RPTOR: variants seen among roughly 807,000 people sequenced by gnomAD.
The protein encoded by RPTOR is regulatory associated protein of MTOR complex 1.
A neutral mutation model predicts 169.9 loss-of-function variants in RPTOR; 21 were observed. The observed-to-expected ratio is 0.12, with a 90% CI of 0.09 to 0.18. The LOEUF (loss-of-function observed/expected upper bound fraction) is 0.18. RPTOR is among the 10% of genes least tolerant of loss of function. RPTOR has a pLI of 1.00. For synonymous variants in RPTOR, 732 were observed against 753.2 expected, an observed-to-expected ratio of 0.97 and a Z score of 0.46; for missense variants, 1,133 against 1,855.9, an observed-to-expected ratio of 0.61 and a Z score of 7.16.
At chr17:80,810,894 A>C (rs557109601) in intron 7 of RPTOR, among the ~76,000 whole-genome samples, 1 of 152,220 alleles carries the variant, frequency 6.6e-6, no homozygotes, top group Non-Finnish European at 1.5e-5. Context: ...AAGACAGCAT[A>C]TAGAAATGTA....
At position 80,708,313 on chromosome 17, in the gene RPTOR, A is replaced by T. The variant is rs1183535365; in HGVS notation, c.507+314A>T. Among the ~76,000 whole-genome samples, 3 of 152,180 alleles carry T rather than the reference A, an allele frequency of 2.0e-5. No homozygotes were observed. The highest frequency in any genetic ancestry group is 6.5e-5 in the Admixed American group (1 of 15,284). Reference sequence around the variant, plus strand: ...GAGTGTCTGCCTTCTAGTTTGAAAAAATTGCACAATTTCTCAATTTCGTTA... The same window carrying T: ...GAGTGTCTGCCTTCTAGTTTGAAAATATTGCACAATTTCTCAATTTCGTTA... On this transcript the variant is annotated intron_variant, in intron 4 of 33. Coordinates refer to ENST00000306801, the MANE Select transcript of RPTOR (RefSeq NM_020761.3). This position sits in a 1 kb window ranked among gnomAD's most constrained non-coding sequence, Gnocchi z 4.2.
At chr17:80,944,065 C>T (rs2069068207) in intron 25 of RPTOR, among the ~76,000 whole-genome samples, 1 of 152,238 alleles carries the variant, frequency 6.6e-6, no homozygotes. Flanking sequence ...CATCTTGCGC[C>T]CTCTGCATTT....
At chr17:80,882,875 C>T (rs560832393) in intron 14 of RPTOR, among the ~76,000 whole-genome samples, 6 of 152,274 alleles carry the variant, frequency 3.9e-5, no homozygotes, top group South Asian at 2.1e-4. Context: ...CTAGACCGCG[C>T]GACGTGTGTG....
At chr17:80,893,078 C>T (rs2068346531) in intron 19 of RPTOR, among the ~76,000 whole-genome samples, 2 of 152,232 alleles carry the variant, frequency 1.3e-5, no homozygotes, top group Non-Finnish European at 2.9e-5. Flanking sequence ...GCCAGCGGGC[C>T]CGTTACCAAT....
intron 2 of RPTOR, among the ~76,000 whole-genome samples, chr17:80,635,862 G>C (rs1452595345): frequency 6.6e-6 from 1 of 152,052 alleles, no homozygotes; most frequent in Non-Finnish European, 1.5e-5. Flanking sequence ...GGTGAGGAGT[G>C]GGGTACTAGT....
rs2144089380 is a variant in RPTOR, at chr17:80,957,696, G to A, written c.3443G>A (p.Arg1148Gln). 1 of 1,614,138 alleles carries A rather than the reference G, an allele frequency of 6.2e-7. No individual in the cohort carries two copies. Among genetic ancestry groups the A allele is most frequent in the Non-Finnish European group, 8.5e-7 (1 of 1,180,032 alleles). Residue 1148 changes from arginine to glutamine, a missense_variant, in exon 29 of 34, where the codon CGG becomes CAG. Arg to Gln is a conservative substitution (Grantham distance 43). This residue lies in a region of RPTOR where 410 missense variants were observed against 623.7 expected (regional missense o/e 0.66). Transcript: ENST00000306801. This position sits in a 1 kb window ranked among gnomAD's most constrained non-coding sequence, Gnocchi z 4.6. ...AGCTCAGGAGACGTGCGGATCGTCC[G>A]GATCTGGGACACAGACCGTGAGATG... The part of the protein sequence containing the change: ...LMSSGDVRIV[R>Q]IWDTDREMKV...
intron 5 of RPTOR, among the ~76,000 whole-genome samples, chr17:80,749,720 T>G (rs1022846404): frequency 2.6e-5 from 4 of 152,178 alleles, no homozygotes; most frequent in Non-Finnish European, 5.9e-5. Context: ...GGGGCTTTTT[T>G]TGTTTGTCTT....
At chr17:80,930,465 C>G in intron 24 of RPTOR, among the ~76,000 whole-genome samples, 1 of 151,112 alleles carries the variant, frequency 6.6e-6, no homozygotes, top group Non-Finnish European at 1.5e-5. Context: ...ATCCCCAGCT[C>G]ATCCCCAGCT....
intron 20 of RPTOR, among the ~76,000 whole-genome samples, chr17:80,908,509 G>C (rs904035529): frequency 2.6e-5 from 4 of 152,220 alleles, no homozygotes; most frequent in Non-Finnish European, 4.4e-5. Flanking sequence ...CTCCGGGAGT[G>C]TGGTCATGCC....
At chr17:80,582,240 A>G (rs986962262) in intron 1 of RPTOR, among the ~76,000 whole-genome samples, 2 of 152,230 alleles carry the variant, frequency 1.3e-5, no homozygotes, top group African/African-American at 4.8e-5. Flanking sequence ...AGCTCAGCTG[A>G]TTCCTGGCTT....
At chr17:80,569,771 C>T (rs1424859826) in intron 1 of RPTOR, among the ~76,000 whole-genome samples, 2 of 152,042 alleles carry the variant, frequency 1.3e-5, no homozygotes, top group Non-Finnish European at 2.9e-5. Context: ...ATTTGGTGAC[C>T]CCTAGTCTAG....
intron 17 of RPTOR, among the ~76,000 whole-genome samples, chr17:80,889,484 A>G (rs1334337829): frequency 6.6e-6 from 1 of 152,154 alleles, no homozygotes; most frequent in Non-Finnish European, 1.5e-5. Context: ...GCCCGTGGCC[A>G]CTAATGTGGC....
chr17:80,663,619 T>G (rs1195529664), intron 3 of RPTOR, among the ~76,000 whole-genome samples: 3 of 152,202 alleles, frequency 2.0e-5, no homozygotes, highest in Admixed American at 6.5e-5. Flanking sequence ...TTGTGCTTAT[T>G]ATGGAGTGTG....
chr17:80,804,059 A>G (rs1043336854), intron 7 of RPTOR, among the ~76,000 whole-genome samples: 3 of 152,250 alleles, frequency 2.0e-5, no homozygotes, highest in African/African-American at 7.2e-5. Flanking sequence ...TAATGGGTCT[A>G]CAGGGGCCTG....
At chr17:80,935,588 C>T (rs2068945539) in intron 24 of RPTOR, among the ~76,000 whole-genome samples, 1 of 152,064 alleles carries the variant, frequency 6.6e-6, no homozygotes, top group Non-Finnish European at 1.5e-5. Flanking sequence ...GGTGCAAAAA[C>T]AATTCAATTC....
chr17:80,699,317 G>A (rs980329192), intron 3 of RPTOR, among the ~76,000 whole-genome samples: 6 of 152,052 alleles, frequency 3.9e-5, no homozygotes, highest in African/African-American at 1.4e-4. Context: ...GCAGTGATGG[G>A]GAGCTAGAGG....
chr17:80,951,987 A>T (rs1354551691), intron 28 of RPTOR, among the ~76,000 whole-genome samples: 1 of 152,222 alleles, frequency 6.6e-6, no homozygotes, highest in Non-Finnish European at 1.5e-5. Context: ...ACGTGCAGGG[A>T]CAGGTGGGCG....
chr17:80,779,050 TG>T (rs1445856278), intron 6 of RPTOR, among the ~76,000 whole-genome samples: 1 of 152,198 alleles, frequency 6.6e-6, no homozygotes, highest in African/African-American at 2.4e-5. Flanking sequence ...TCATAGTCAC[TG>T]GAGAAGCCGT....
intron 11 of RPTOR, among the ~76,000 whole-genome samples, chr17:80,851,639 G>GC (rs1487493575): frequency 6.6e-6 from 1 of 152,234 alleles, no homozygotes; most frequent in African/African-American, 2.4e-5. Context: ...GGCCCCCGAG[G>GC]CCCCCGCGTG....
Sources: allele counts gnomAD v4.1 joint callset (sites outside exome capture counted in the v4.1 genomes callset), GRCh38; gene constraint gnomAD v4.1.1; regional missense constraint gnomAD v4.1.1; non-coding constraint Gnocchi (gnomAD v3.1); transcripts MANE v1.5; gene names NCBI Gene and HGNC (gene_info 2026-07-23, HGNC 2026-07-21).